SORBS2: variants seen among roughly 807,000 people sequenced by gnomAD.
SORBS2 encodes the protein sorbin and SH3 domain-containing protein 2.
A neutral mutation model predicts 97.7 loss-of-function variants in SORBS2; 46 were observed. That is an observed-to-expected ratio of 0.47 (90% CI 0.37 to 0.60). The LOEUF is 0.60. Ranked by LOEUF, SORBS2 falls within the 20% of genes least tolerant of loss-of-function variation. The pLI, the probability that SORBS2 is intolerant of heterozygous loss-of-function variation, is 0.00. For missense variants in SORBS2, 1,316 were observed against 1,282.3 expected, an observed-to-expected ratio of 1.03 and a Z score of -0.40; for synonymous variants, 476 against 473.4, an observed-to-expected ratio of 1.01 and a Z score of -0.07.
In SORBS2 at chr4:185,622,825, C is replaced by A; in HGVS notation, c.2215+89G>T. ...AACGACGCCAAATGGTCTCCCAGCT[C>A]GGGAGTGATGAGATGTTGGAATGGA... On this transcript the variant is annotated intron_variant, in intron 7 of 14. Transcript: ENST00000418609. 8.2e-6 allele frequency: 11 copies of A among 1,338,464 alleles called. No individual in the cohort carries two copies. In the South Asian group the frequency reaches 1.2e-4, roughly 14 times the overall value. 82.9% of individuals were successfully genotyped at this position (1,338,464 alleles called of 1,614,324 possible).
At chr4:185,588,795 G>A (rs1468018755) in intron 14 of SORBS2, among the ~76,000 whole-genome samples, 1 of 151,964 alleles carries the variant, frequency 6.6e-6, no homozygotes, top group African/African-American at 2.4e-5. Context: ...TTGTACTTTT[G>A]GTAGATACGG....
At chr4:185,819,471 T>C (rs140180493) in intron 1 of SORBS2, among the ~76,000 whole-genome samples, 12 of 152,338 alleles carry the variant, frequency 7.9e-5, no homozygotes, top group Non-Finnish European at 1.3e-4. Context: ...TCCTGAGTGA[T>C]AAGTAAGTCT....
chr4:185,695,150 T>C (rs2098158482), intron 2 of SORBS2, among the ~76,000 whole-genome samples: 1 of 152,210 alleles, frequency 6.6e-6, no homozygotes, highest in Non-Finnish European at 1.5e-5. Context: ...TGCATGGGCA[T>C]GAACATGCCT....
chr4:185,862,540 G>A (rs543445663), intron 1 of SORBS2, among the ~76,000 whole-genome samples: 90 of 152,330 alleles, frequency 5.9e-4, no homozygotes, highest in Middle Eastern at 3.4e-3. Flanking sequence ...GATCCCTCTG[G>A]TGGCTGAGAT....
intron 1 of SORBS2, among the ~76,000 whole-genome samples, chr4:185,876,795 A>T (rs2099233945): frequency 6.6e-6 from 1 of 152,236 alleles, no homozygotes; most frequent in South Asian, 2.1e-4. Context: ...ATTCAGTTAA[A>T]ATAAAAATCC....
At position 185,854,812 on chromosome 4, in the gene SORBS2, AGAG is replaced by A. The variant is rs1284221878; in HGVS notation, c.-337-79449_-337-79447del. Among the ~76,000 whole-genome samples the A allele has an allele frequency of 2.4e-4, 37 of 151,912 alleles. 1 individual carries two copies. The highest frequency in any genetic ancestry group is 3.8e-4 in the Non-Finnish European group (26 of 67,986). On this transcript the variant is annotated intron_variant, in intron 1 of 20. Transcript: ENST00000284776. ...GAGAGAGAGAGAGAGAGAGAGAGAG[AGAG>A]AGCCTTAGTTAGTTTACTGAGAGAG...
At position 185,729,331 on chromosome 4, in the gene SORBS2, G is replaced by A. The variant is rs922810117; in HGVS notation, c.-198+45896C>T. Among the ~76,000 whole-genome samples, 8 of 152,130 alleles carry A rather than the reference G, an allele frequency of 5.3e-5. 1 individual carries two copies. The South Asian group carries it at 6.2e-4, about 12-fold the overall frequency. On this transcript the variant is annotated intron_variant, in intron 2 of 20. Transcript: ENST00000284776. Reference sequence around the variant, plus strand: ...TTTCTACTCATCTCTTTCTGGGCCCGCTCAGCAAATCCCCGGTTTCAGAGG... The same window carrying A: ...TTTCTACTCATCTCTTTCTGGGCCCACTCAGCAAATCCCCGGTTTCAGAGG...
At position 185,827,324 on chromosome 4, in the gene SORBS2, T is replaced by TTAC. The variant is rs1561211282; in HGVS notation, c.-337-51959_-337-51958insGTA. Among the ~76,000 whole-genome samples, 19 of 5,048 alleles carry TTAC rather than the reference T, an allele frequency of 3.8e-3. 7 individuals carry two copies. Among genetic ancestry groups the TTAC allele is most frequent in the African/African-American group, 5.8e-3 (7 of 1,200 alleles). The allele number at this position is 5,048 out of a possible 152,430, so 3.3% of individuals were successfully genotyped here. The stretch of plus-strand genomic sequence containing the variant: ...ATCACCATCATCACCATCATCACCA[T>TTAC]CATCATCATCATCATCATCATCATC... On this transcript the variant is annotated intron_variant, in intron 1 of 20. Transcript: ENST00000284776.
At chr4:185,815,525 G>A (rs543434350) in intron 1 of SORBS2, among the ~76,000 whole-genome samples, 49 of 152,220 alleles carry the variant, frequency 3.2e-4, no homozygotes, top group African/African-American at 1.0e-3. Flanking sequence ...GTATGAAAGC[G>A]TAGAATACCA....
chr4:185,852,501 T>A (rs1421333576), intron 1 of SORBS2, among the ~76,000 whole-genome samples: 1 of 152,204 alleles, frequency 6.6e-6, no homozygotes, highest in Non-Finnish European at 1.5e-5. Context: ...TTTGAGTCTA[T>A]CCTAGAAAAC....
intron 1 of SORBS2, among the ~76,000 whole-genome samples, chr4:185,862,950 T>C (rs566039215): frequency 6.6e-6 from 1 of 152,336 alleles, no homozygotes; most frequent in African/African-American, 2.4e-5. Context: ...GGGACTCTTG[T>C]AGTCAAACCT....
At chr4:185,765,435 T>A (rs1167413743) in intron 2 of SORBS2, among the ~76,000 whole-genome samples, 1 of 152,202 alleles carries the variant, frequency 6.6e-6, no homozygotes, top group Non-Finnish European at 1.5e-5. Flanking sequence ...CATAAAAAAT[T>A]ATGATGTGGA....
In SORBS2 at chr4:185,599,463, C is replaced by T. The variant is rs1561316704; in HGVS notation, c.2797-5528G>A. 2.0e-5 allele frequency among the ~76,000 whole-genome samples: 3 copies of T among 152,242 alleles called. No individual in the cohort carries two copies. The South Asian group carries it at 6.2e-4, about 32-fold the overall frequency. On this transcript the variant is annotated intron_variant, in intron 12 of 14. Transcript: ENST00000418609. ...GCAAGAAATAGGAAGTGGATAGAAT[C>T]CAGACAGCAGTATGGGGACAAAAGG...
chr4:185,716,866 C>G (rs73015564), intron 2 of SORBS2, among the ~76,000 whole-genome samples: 5,545 of 152,244 alleles, frequency 0.036, 367 homozygotes, highest in African/African-American at 0.13. Context: ...GAGCGGTCCA[C>G]CCCTGCATGA....
intron 1 of SORBS2, among the ~76,000 whole-genome samples, chr4:185,878,673 A>G (rs2099235032): frequency 6.6e-6 from 1 of 151,800 alleles, no homozygotes; most frequent in Admixed American, 6.6e-5. Context: ...ACCCGCTGAC[A>G]CTCTTGCTCT....
At chr4:185,901,496 G>A (rs756172603) in intron 1 of SORBS2, among the ~76,000 whole-genome samples, 3 of 152,112 alleles carry the variant, frequency 2.0e-5, no homozygotes, top group South Asian at 2.1e-4. Context: ...GAGCTACCAC[G>A]CCTGGCCGAA....
intron 1 of SORBS2, among the ~76,000 whole-genome samples, chr4:185,896,892 C>CAAAAA (rs70962602): frequency 9.1e-6 from 1 of 109,862 alleles, no homozygotes; most frequent in Non-Finnish European, 1.9e-5. Context: ...TACACATGGC[C>CAAAAA]AAAAAAAAAA....
intron 2 of SORBS2, among the ~76,000 whole-genome samples, chr4:185,692,969 C>A (rs1330512149): frequency 6.6e-6 from 1 of 152,104 alleles, no homozygotes; most frequent in African/African-American, 2.4e-5. Flanking sequence ...TAGACGATAT[C>A]CTTACTATAT....
chr4:185,652,556 G>T, intron 2 of SORBS2, 106 bp downstream of exon 10: 1 of 867,716 alleles, frequency 1.2e-6, no homozygotes, highest in Non-Finnish European at 2.0e-6. Flanking sequence ...GGGACACGGA[G>T]TTTGCTGGGG....
Sources: allele counts gnomAD v4.1 joint callset (sites outside exome capture counted in the v4.1 genomes callset), GRCh38; gene constraint gnomAD v4.1.1; transcripts MANE v1.5; gene names NCBI Gene and HGNC (gene_info 2026-07-23, HGNC 2026-07-21).